The following MCM8 variants were observed in gnomAD, a reference collection of about 807,000 sequenced individuals.
MCM8 encodes minichromosome maintenance 8 homologous recombination repair factor, also known as DNA helicase MCM8.
In MCM8, 85 loss-of-function variants were observed where a neutral mutation model predicts 98.9. The ratio of observed to expected loss-of-function variants is 0.86; its 90% confidence interval spans 0.72 to 1.03. The LOEUF is 1.03. Ranked by LOEUF, MCM8 falls within the 50% of genes least tolerant of loss-of-function variation. MCM8 has a pLI of 0.00. For missense variants in MCM8, 951 were observed against 997.8 expected (o/e 0.95, Z 0.63); for synonymous variants, 352 against 338.6 (o/e 1.04, Z -0.44).
chr20:5,994,270 G>T, intron 18 of MCM8, 29 bp from the exon 19 acceptor site: 1 of 1,345,368 alleles, frequency 7.4e-7, no homozygotes, highest in South Asian at 1.3e-5. Context: ...GTTACTTAAT[G>T]GGCTAAACCT....
At chr20:5,986,152 A>G (rs775262722) in intron 16 of MCM8, 21 bp downstream of exon 16, 1 of 1,612,400 alleles carries the variant, frequency 6.2e-7, no homozygotes, top group Non-Finnish European at 8.5e-7. Flanking sequence ...TTTTATGGTC[A>G]TGCTTTTTTT....
At chr20:5,966,400 T>C (rs948379463) in intron 8 of MCM8, among the ~76,000 whole-genome samples, 2 of 152,150 alleles carry the variant, frequency 1.3e-5, no homozygotes, top group African/African-American at 2.4e-5. Flanking sequence ...CTTTGGCTTT[T>C]TCTTATATCT....
chr20:5,985,090 CT>C (rs200371300), intron 15 of MCM8, 90 bp downstream of exon 15: 589 of 982,918 alleles, frequency 6.0e-4, no homozygotes, highest in Non-Finnish European at 7.3e-4. Context: ...AGGATACAAA[CT>C]TTTTTTTTAC....
At chr20:5,953,078 G>A (rs887408601) in intron 3 of MCM8, among the ~76,000 whole-genome samples, 6 of 152,216 alleles carry the variant, frequency 3.9e-5, no homozygotes, top group Non-Finnish European at 7.3e-5. Flanking sequence ...GGAACTGGAG[G>A]CTAGCACTAT....
rs747529960 is a variant in MCM8 at position 5,967,458 on chromosome 20, G to A, written c.898G>A (p.Asp300Asn). The A allele has an allele frequency of 1.9e-6, 3 of 1,613,688 alleles. No homozygotes were observed. In the African/African-American group the frequency reaches 4.0e-5, roughly 22 times the overall value. Residue 300 changes from aspartate to asparagine, a missense_variant, in exon 9 of 19, where the codon GAT becomes AAT. Transcript: ENST00000610722. ...TAGAATCCAGGAATTGATGTCTGATGATCAGAGAGAAGCAGGTCGGATTCC... is the reference window on the plus strand; with the variant it reads ...TAGAATCCAGGAATTGATGTCTGATAATCAGAGAGAAGCAGGTCGGATTCC... ...SIKIQELMSD[D>N]QREAGRIPRT...
chr20:5,998,053 T>C lies in MCM8; in HGVS notation c.*3662T>C, dbSNP rs1163288217. 1.3e-5 allele frequency: 2 copies of C among 152,228 alleles called. No individual in the cohort carries two copies. The highest frequency in any genetic ancestry group is 2.9e-5 in the Non-Finnish European group (2 of 68,038). The allele number at this position is 152,228 out of a possible 1,614,324, so 9.4% of individuals were successfully genotyped here. A position where few individuals can be genotyped will look rare whatever the true frequency, so the allele number is the denominator to read the frequency against. ...TCTCCTTTGATAAAGAAGGGAAATA[T>C]CGTACTTACATTAGCATGTTATAGT... On this transcript the variant is annotated 3_prime_UTR_variant, in exon 19 of 19. Transcript: ENST00000610722.
At chr20:5,989,118 G>GTTTTTTT (rs1568599607) in intron 17 of MCM8, among the ~76,000 whole-genome samples, 1 of 94,420 alleles carries the variant, frequency 1.1e-5, no homozygotes, top group Non-Finnish European at 1.8e-5. Flanking sequence ...AATAGCGCAA[G>GTTTTTTT]TCTTTTTTTT....
chr20:5,973,880 C>T (rs567122375), intron 12 of MCM8, among the ~76,000 whole-genome samples: 1 of 152,258 alleles, frequency 6.6e-6, no homozygotes, highest in African/African-American at 2.4e-5. Context: ...GTCTTGAACT[C>T]TTGGCCTCAA....
chr20:5,954,978 G>A (rs1214938195), intron 4 of MCM8, 124 bp from the exon 5 acceptor site: 4 of 693,936 alleles, frequency 5.8e-6, no homozygotes, highest in African/African-American at 1.8e-5. Context: ...TTATACTTAT[G>A]TCATACTTAC....
Position 5,983,157 on chromosome 20 carries a change from G to A in MCM8, c.1725G>A (p.Glu575=). The A allele has an allele frequency of 6.2e-7, 1 of 1,610,072 alleles. No individual in the cohort carries two copies. The highest frequency in any genetic ancestry group is 8.5e-7 in the Non-Finnish European group (1 of 1,178,234). The part of the protein sequence containing the change: ...GHYNKAKTVS[E]NLKMGSALLS... ...ACAATAAAGCCAAAACAGTTTCTGA[G>A]AATTTAAAGTAAGTCTCTTCAAATA... is the stretch of plus-strand genomic sequence containing the variant. Residue 575 remains glutamate, a synonymous_variant, in exon 14 of 19, where the codon GAG becomes GAA. Coordinates refer to ENST00000610722, the MANE Select transcript of MCM8 (RefSeq NM_032485.6).
rs1302190338 is a variant in MCM8 at position 5,967,432 on chromosome 20, T to C, written c.876-4T>C. ...TCTAACTGAAAACTATTTAAACTTTTTAGAATCCAGGAATTGATGTCTGAT... is the reference window on the plus strand; with the variant it reads ...TCTAACTGAAAACTATTTAAACTTTCTAGAATCCAGGAATTGATGTCTGAT... On this transcript the variant is annotated splice_region_variant and splice_polypyrimidine_tract_variant and intron_variant, in intron 8 of 18. Transcript: ENST00000610722. The C allele has an allele frequency of 5.0e-6, 8 of 1,612,026 alleles. No individual in the cohort carries two copies. Among genetic ancestry groups the C allele is most frequent in the East Asian group, 4.5e-5 (2 of 44,820 alleles).
chr20:5,971,236 T>TTA (rs2089395362), intron 10 of MCM8, among the ~76,000 whole-genome samples: 1 of 152,340 alleles, frequency 6.6e-6, no homozygotes, highest in South Asian at 2.1e-4. Context: ...ACATGCCTTA[T>TTA]TATACCTCTC....
chr20:5,978,432 A>G (rs1005277939), intron 13 of MCM8, among the ~76,000 whole-genome samples: 1 of 152,222 alleles, frequency 6.6e-6, no homozygotes, highest in Non-Finnish European at 1.5e-5. Flanking sequence ...ATAGGGGCAC[A>G]GTAAATACTT....
chr20:5,988,444 A>G (rs2089777583), intron 17 of MCM8, among the ~76,000 whole-genome samples: 1 of 151,788 alleles, frequency 6.6e-6, no homozygotes, highest in Non-Finnish European at 1.5e-5. Context: ...CCTGGGTGAC[A>G]GAGCAAGACT....
At position 5,994,493 on chromosome 20, in the gene MCM8, ACACACAC is replaced by A; in HGVS notation, c.*103_*109del. The stretch of plus-strand genomic sequence containing the variant: ...CAGACAGACAGACACACACACACAC[ACACACAC>A]ACACACACACACACACACACACAGT... On this transcript the variant is annotated 3_prime_UTR_variant, in exon 19 of 19. Coordinates refer to ENST00000610722, the MANE Select transcript of MCM8 (RefSeq NM_032485.6). 1 of 580,266 alleles carries A rather than the reference ACACACAC, an allele frequency of 1.7e-6. No homozygotes were observed. Among genetic ancestry groups the A allele is most frequent in the South Asian group, 2.3e-5 (1 of 43,768 alleles). The allele number at this position is 580,266 out of a possible 1,614,324, so 35.9% of individuals were successfully genotyped here. A position where few individuals can be genotyped will look rare whatever the true frequency, so the allele number is the denominator to read the frequency against.
chr20:5,992,378 G>T lies in MCM8; in HGVS notation c.2241-1128G>T, dbSNP rs371135143. ...AGAATGTTTTTTCATCCGTAAAATGGGAATAAGAATAGTTCCTAAATCACA... is the reference window on the plus strand; with the variant it reads ...AGAATGTTTTTTCATCCGTAAAATGTGAATAAGAATAGTTCCTAAATCACA... On this transcript the variant is annotated intron_variant, in intron 17 of 18. Coordinates refer to ENST00000610722, the MANE Select transcript of MCM8 (RefSeq NM_032485.6). 5.9e-5 allele frequency among the ~76,000 whole-genome samples: 9 copies of T among 152,256 alleles called. No individual in the cohort carries two copies. In the East Asian group the frequency reaches 1.5e-3, roughly 26 times the overall value.
At chr20:5,988,915 T>G (rs144899695) in intron 17 of MCM8, among the ~76,000 whole-genome samples, 2 of 152,276 alleles carry the variant, frequency 1.3e-5, no homozygotes, top group East Asian at 3.9e-4. Flanking sequence ...AAGTGCAGCA[T>G]AGCTGGAAGA....
chr20:5,955,737 C>T (rs1002430467), intron 5 of MCM8, among the ~76,000 whole-genome samples: 8 of 152,154 alleles, frequency 5.3e-5, no homozygotes, highest in African/African-American at 1.9e-4. Context: ...GGTAATACAA[C>T]ATATATGAAA....
intron 6 of MCM8, 28 bp from the exon 7 acceptor site, chr20:5,958,500 T>C: frequency 8.9e-6 from 14 of 1,564,396 alleles, no homozygotes; most frequent in Non-Finnish European, 1.2e-5. Flanking sequence ...ATCAATTTTC[T>C]GTTCATTACT....
Sources: allele counts gnomAD v4.1 joint callset (sites outside exome capture counted in the v4.1 genomes callset), GRCh38; gene constraint gnomAD v4.1.1; transcripts MANE v1.5; gene names NCBI Gene and HGNC (gene_info 2026-07-23, HGNC 2026-07-21).